Variants in MITD1 observed in about 807,000 individuals in gnomAD.
MITD1 encodes MIT domain-containing protein 1.
In MITD1, 24 loss-of-function variants were observed where a neutral mutation model predicts 34.9. The ratio of observed to expected loss-of-function variants is 0.69; its 90% CI spans 0.50 to 0.97. The LOEUF (loss-of-function observed/expected upper bound fraction) is 0.97, where lower values mean the gene tolerates loss of function less well. Among genes scored for constraint, MITD1 ranks in the 50% least tolerant of loss-of-function variants. The pLI is 0.00. For synonymous variants in MITD1, 102 were observed against 101.4 expected, an observed-to-expected ratio of 1.01 and a Z score of -0.04; for missense variants, 266 against 294.6, an observed-to-expected ratio of 0.90 and a Z score of 0.71.
downstream of MITD1, among the ~76,000 whole-genome samples, chr2:99,166,016 A>T (rs1444591122): frequency 6.6e-6 from 1 of 152,130 alleles, no homozygotes; most frequent in Admixed American, 6.5e-5. Flanking sequence ...AGTTCTGGGT[A>T]GTGATTCTAG....
At chr2:99,166,187 AT>A (rs2093825774), downstream of MITD1, among the ~76,000 whole-genome samples, 1 of 150,088 alleles carries the variant, frequency 6.7e-6, no homozygotes, top group African/African-American at 2.5e-5. Flanking sequence ...AAGAGTGTGA[AT>A]TAAAAAAAAA....
intron 7 of MITD1, chr2:99,163,250 C>T: frequency 2.3e-6 from 1 of 435,192 alleles, no homozygotes; most frequent in East Asian, 3.6e-5. Context: ...TTCTTTATCA[C>T]CTATCCCTAT....
intron 4 of MITD1, chr2:99,170,944 G>A (rs928701231): frequency 3.8e-6 from 1 of 263,320 alleles, no homozygotes; most frequent in Non-Finnish European, 7.3e-6. Context: ...ATCAATCGTA[G>A]AAATCATAAT....
chr2:99,173,004 ATT>A (rs1472026516), intron 2 of MITD1: 2 of 152,248 alleles, frequency 1.3e-5, no homozygotes, highest in Non-Finnish European at 2.9e-5. Flanking sequence ...ACTATGCCTT[ATT>A]TTTTAAGCCA....
At chr2:99,167,588 C>G (rs986362773), downstream of MITD1, among the ~76,000 whole-genome samples, 2 of 152,152 alleles carry the variant, frequency 1.3e-5, no homozygotes, top group African/African-American at 4.8e-5. Flanking sequence ...GATTCATATG[C>G]TTTAGAAATC....
rs1206420519 is a variant in MITD1, at chr2:99,171,741, TATTA to T, written c.254-99_254-96del. ...GAGTGATTAATCAGCATCAGATACA[TATTA>T]ATTTTTTTAACTTATTCAGCAAATA... On this transcript the variant is annotated intron_variant, in intron 2 of 6. Transcript: ENST00000289359. 3.3e-6 allele frequency: 4 copies of T among 1,224,236 alleles called. No homozygotes were observed. The Admixed American group carries it at 9.3e-5, about 28-fold the overall frequency. 75.8% of individuals were successfully genotyped at this position (1,224,236 alleles called of 1,614,324 possible).
At chr2:99,162,798 A>G (rs779240676) in intron 7 of MITD1, 7 of 1,614,204 alleles carry the variant, frequency 4.3e-6, no homozygotes, top group South Asian at 1.1e-5. Flanking sequence ...AAAGTTTAGT[A>G]TAAATACTTC....
chr2:99,179,624 G>A (rs888526248), intron 1 of MITD1, among the ~76,000 whole-genome samples: 1 of 152,038 alleles, frequency 6.6e-6, no homozygotes, highest in Admixed American at 6.6e-5. Context: ...GTGCAGTGGC[G>A]CGATCTCGGC....
At chr2:99,170,819 C>T in intron 4 of MITD1, 167 bp from the exon 5 acceptor site, 1 of 408,714 alleles carries the variant, frequency 2.4e-6, no homozygotes, top group Non-Finnish European at 4.4e-6. Context: ...GTTTAAAGAG[C>T]AATTATTTTT....
intron 7 of MITD1, chr2:99,163,048 TTC>T: frequency 1.3e-6 from 2 of 1,566,602 alleles, no homozygotes; most frequent in African/African-American, 2.7e-5. Flanking sequence ...AAATGGAATA[TTC>T]TCTGTGAAAA....
At chr2:99,174,163 A>C in intron 1 of MITD1, 147 bp from the exon 2 acceptor site, 1 of 554,604 alleles carries the variant, frequency 1.8e-6, no homozygotes, top group Non-Finnish European at 3.1e-6. Flanking sequence ...AATAAACTCA[A>C]ATTTGGCTTG....
At chr2:99,180,655 T>C (rs2093912783) in intron 1 of MITD1, 176 bp downstream of exon 1, 1 of 622,514 alleles carries the variant, frequency 1.6e-6, no homozygotes, top group Admixed American at 2.7e-5. Context: ...GTAACATCAA[T>C]CTATTAAAGA....
At chr2:99,164,071 G>T (rs1012995592) in intron 7 of MITD1, among the ~76,000 whole-genome samples, 1 of 152,122 alleles carries the variant, frequency 6.6e-6, no homozygotes, top group African/African-American at 2.4e-5. Flanking sequence ...TGGGGGGAAA[G>T]ATCATATAAT....
intron 7 of MITD1, chr2:99,162,712 A>G (rs760233151): frequency 6.2e-7 from 1 of 1,614,226 alleles, no homozygotes; most frequent in Non-Finnish European, 8.5e-7. Context: ...AACCCAACGG[A>G]TGAGACACTG....
intron 1 of MITD1, among the ~76,000 whole-genome samples, chr2:99,176,954 C>T (rs1208549434): frequency 6.6e-6 from 1 of 152,158 alleles, no homozygotes; most frequent in Non-Finnish European, 1.5e-5. Context: ...TAGACCCTCT[C>T]AGTCAATACA....
downstream of MITD1, chr2:99,161,877 C>A: frequency 7.9e-7 from 1 of 1,273,140 alleles, no homozygotes; most frequent in Non-Finnish European, 1.1e-6. Context: ...GATTAAATAA[C>A]CGATAATTGA....
At position 99,169,577 on chromosome 2, in the gene MITD1, C is replaced by T; in HGVS notation, c.627G>A (p.Arg209=). The T allele has an allele frequency of 6.2e-7, 1 of 1,608,946 alleles. No individual in the cohort carries two copies. Among genetic ancestry groups the T allele is most frequent in the East Asian group, 2.2e-5 (1 of 44,758 alleles). ...GTGGTTTCTTAAAATAATCAAGTCC[C>T]CTTCCAATCTTAATCATCCATCCAT... ...FNNGWMIKIG[R]GLDYFKKPQS... Residue 209 remains arginine, a synonymous_variant, in exon 6 of 7, where the codon AGG becomes AGA. Coordinates refer to ENST00000289359, the MANE Select transcript of MITD1 (RefSeq NM_138798.3).
chr2:99,165,975 G>T (rs968864415), downstream of MITD1, among the ~76,000 whole-genome samples: 1 of 152,118 alleles, frequency 6.6e-6, no homozygotes, highest in Non-Finnish European at 1.5e-5. Context: ...TCCAGCCCTT[G>T]CATCAGTGTC....
intron 7 of MITD1, chr2:99,162,738 A>T: frequency 6.2e-7 from 1 of 1,614,224 alleles, no homozygotes; most frequent in Non-Finnish European, 8.5e-7. Flanking sequence ...TGGAATAAAT[A>T]GCAAAGCCAA....
Sources: gnomAD v4.1 joint callset for allele counts (sites outside exome capture counted in the v4.1 genomes callset) on GRCh38, gnomAD v4.1.1 for gene constraint, MANE v1.5 for transcripts, NCBI Gene and HGNC (gene_info 2026-07-23, HGNC 2026-07-21) for gene names.